The following BEAN1 variants were observed in gnomAD, a reference collection of about 807,000 sequenced individuals.
BEAN1 encodes the protein protein BEAN1.
BEAN1 carries 17 observed loss-of-function variants against 17.7 expected under a neutral mutation model. The ratio of observed to expected loss-of-function variants is 0.96; its 90% CI spans 0.66 to 1.44. The LOEUF (loss-of-function observed/expected upper bound fraction) is 1.44, where lower values mean the gene tolerates loss of function less well. BEAN1 is among the 40% of genes most tolerant of loss of function. BEAN1 has a pLI of 0.00. For missense variants in BEAN1, 359 were observed against 374.1 expected, an observed-to-expected ratio of 0.96 and a Z score of 0.33; for synonymous variants, 142 against 151.8, an observed-to-expected ratio of 0.94 and a Z score of 0.47.
intron 2 of BEAN1, among the ~76,000 whole-genome samples, chr16:66,464,158 G>A (rs1314841864): frequency 6.6e-6 from 1 of 152,138 alleles, no homozygotes; most frequent in Admixed American, 6.5e-5. Context: ...GATCATTTCG[G>A]TTTCTGCAAG....
chr16:66,493,446 C>A (rs1964205633), exon 5 of BEAN1: 5 of 609,814 alleles, frequency 8.2e-6, no homozygotes, highest in Non-Finnish European at 1.5e-5. Context: ...CTCTAGGGCC[C>A]CCAGTGCCAT....
At chr16:66,483,062 A>G (rs996262607), downstream of BEAN1, 6 of 363,054 alleles carry the variant, frequency 1.7e-5, no homozygotes, top group African/African-American at 8.6e-5. Context: ...GGGTCTCACT[A>G]TGTTGCCCAG....
chr16:66,446,379 A>G (rs1962457330), intron 2 of BEAN1, among the ~76,000 whole-genome samples: 1 of 152,084 alleles, frequency 6.6e-6, no homozygotes, highest in African/African-American at 2.4e-5. Context: ...TTGAAACGTG[A>G]AGGACTGAGC....
At position 66,427,342 on chromosome 16, in the gene BEAN1, G is replaced by GGGAGCC. The variant is rs1388542798; in HGVS notation, c.-163_-158dup. On this transcript the variant is annotated 5_prime_UTR_variant, in exon 1 of 5. Transcript: ENST00000536005. The surrounding 1 kb of genome is among the most constrained non-coding windows in gnomAD (Gnocchi z 4.7). Reference sequence around the variant, plus strand: ...GTGGCCTCCGAGCGGGAACCGGACTGGGAGCCGGAGCCGGGGCGGGAACCG... The same window carrying GGGAGCC: ...GTGGCCTCCGAGCGGGAACCGGACTGGGAGCCGGAGCCGGAGCCGGGGCGGGAACCG... The GGGAGCC allele has an allele frequency of 6.6e-6, 1 of 151,728 alleles. No individual in the cohort carries two copies. The highest frequency in any genetic ancestry group is 2.4e-5 in the African/African-American group (1 of 41,328). 9.4% of individuals were successfully genotyped at this position (151,728 alleles called of 1,614,324 possible). A position where few individuals can be genotyped will look rare whatever the true frequency, so the allele number is the denominator to read the frequency against.
chr16:66,493,237 G>C (rs567787747), exon 5 of BEAN1: 10 of 703,040 alleles, frequency 1.4e-5, no homozygotes, highest in East Asian at 5.4e-5. Context: ...CAGAGAAAAG[G>C]CTGGTGAAGC....
intron 2 of BEAN1, among the ~76,000 whole-genome samples, chr16:66,453,931 G>T (rs1322242833): frequency 6.6e-6 from 1 of 151,954 alleles, no homozygotes; most frequent in African/African-American, 2.4e-5. Flanking sequence ...ACAGGGTTTT[G>T]CCATGTTGGC....
chr16:66,460,608 T>C (rs554018187), intron 2 of BEAN1, among the ~76,000 whole-genome samples: 1 of 152,322 alleles, frequency 6.6e-6, no homozygotes, highest in South Asian at 2.1e-4. Flanking sequence ...CTTATGGCAA[T>C]GTTCAGCTGT....
At chr16:66,470,598 C>CT (rs1359528158) in intron 3 of BEAN1, among the ~76,000 whole-genome samples, 14 of 152,130 alleles carry the variant, frequency 9.2e-5, no homozygotes, top group Non-Finnish European at 7.4e-5. Flanking sequence ...GTGAATAAAA[C>CT]TATCCCTGGT....
chr16:66,485,171 C>T (rs1013939326), downstream of BEAN1: 3 of 449,436 alleles, frequency 6.7e-6, no homozygotes, highest in Non-Finnish European at 1.3e-5. Context: ...CTGGCCAAGC[C>T]CACATGCACA....
intron 2 of BEAN1, among the ~76,000 whole-genome samples, chr16:66,465,269 T>C (rs921509899): frequency 6.6e-6 from 1 of 152,190 alleles, no homozygotes; most frequent in Admixed American, 6.5e-5. Flanking sequence ...TAATCCTTTT[T>C]ATGTATTACT....
intron 2 of BEAN1, among the ~76,000 whole-genome samples, chr16:66,460,457 AGG>A (rs1024472474): frequency 7.2e-5 from 11 of 152,232 alleles, no homozygotes; most frequent in Non-Finnish European, 1.5e-5. Flanking sequence ...GAACATCTCT[AGG>A]ACATACCCAG....
Position 66,469,716 on chromosome 16 carries a change from T to C in BEAN1, c.140T>C (p.Ile47Thr), listed in dbSNP as rs1963395513. Residue 47 changes from isoleucine to threonine, a missense_variant, in exon 3 of 5, where the codon ATC becomes ACC. By Grantham distance (89) the Ile-to-Thr change is moderately conservative (BLOSUM62 -1). Coordinates refer to ENST00000536005, the MANE Select transcript of BEAN1 (RefSeq NM_001178020.3). Reference protein sequence around the residue: ...LVASAVIGVVIILSCITIIVG... With the variant: ...LVASAVIGVVTILSCITIIVG... ...GCGAGTGCCGTCATAGGTGTGGTCA[T>C]CATCCTCTCCTGCATCACCATCATT... is the stretch of plus-strand genomic sequence containing the variant. 4.6e-6 allele frequency: 7 copies of C among 1,535,936 alleles called. No homozygotes were observed. Among genetic ancestry groups the C allele is most frequent in the Non-Finnish European group, 6.1e-6 (7 of 1,146,888 alleles).
Position 66,469,673 on chromosome 16 carries a change from G to C in BEAN1, c.97G>C (p.Val33Leu), listed in dbSNP as rs753496837. The C allele has an allele frequency of 6.5e-7, 1 of 1,535,824 alleles. No individual in the cohort carries two copies. The highest frequency in any genetic ancestry group is 8.7e-7 in the Non-Finnish European group (1 of 1,146,718). Residue 33 changes from valine (V) to leucine (L), a missense_variant, in exon 3 of 5, where the codon GTG becomes CTG. Coordinates refer to ENST00000536005, the MANE Select transcript of BEAN1 (RefSeq NM_001178020.3). ...GAGCTCGGAGCACAGCCATCTGCTCGTGTCCCCCGTGCTGGTGGCGAGTGC... is the reference window on the plus strand; with the variant it reads ...GAGCTCGGAGCACAGCCATCTGCTCCTGTCCCCCGTGCTGGTGGCGAGTGC... Reference protein sequence around the residue: ...SESSEHSHLLVSPVLVASAVI... With the variant: ...SESSEHSHLLLSPVLVASAVI...
downstream of BEAN1, chr16:66,484,771 C>G (rs538418939): frequency 6.6e-6 from 3 of 454,130 alleles, no homozygotes; most frequent in African/African-American, 6.0e-5. The surrounding 1 kb of genome is among the most constrained non-coding windows in gnomAD (Gnocchi z 4.2). Context: ...ACTGGTGACT[C>G]TGAGACACAG....
intron 2 of BEAN1, among the ~76,000 whole-genome samples, chr16:66,459,213 C>T (rs1048654828): frequency 6.6e-6 from 1 of 152,218 alleles, no homozygotes; most frequent in East Asian, 1.9e-4. Flanking sequence ...TGCCCCGAAC[C>T]CTGCCTCTGC....
At chr16:66,450,187 G>A (rs193244370) in intron 2 of BEAN1, among the ~76,000 whole-genome samples, 2 of 151,470 alleles carry the variant, frequency 1.3e-5, no homozygotes, top group Admixed American at 1.3e-4. Context: ...CACTGTGCAA[G>A]AATGAAAGCC....
chr16:66,462,600 G>A (rs1963126210), intron 2 of BEAN1, among the ~76,000 whole-genome samples: 1 of 152,150 alleles, frequency 6.6e-6, no homozygotes, highest in African/African-American at 2.4e-5. Flanking sequence ...TCAGGAGTTC[G>A]AGACCAGCCT....
At chr16:66,480,070 C>T (rs1388927550) in intron 4 of BEAN1, among the ~76,000 whole-genome samples, 2 of 152,078 alleles carry the variant, frequency 1.3e-5, no homozygotes, top group African/African-American at 4.8e-5. Flanking sequence ...CTTCCACCTT[C>T]ACCCCTGCCC....
Position 66,471,347 on chromosome 16 carries a change from C to A in BEAN1, c.289+1482C>A, listed in dbSNP as rs1963475327. On this transcript the variant is annotated intron_variant, in intron 3 of 4. Transcript: ENST00000536005. This position sits in a 1 kb window ranked among gnomAD's most constrained non-coding sequence, Gnocchi z 4.7. ...GCACATAATCTCACTGCAAAATCCTCACCATGGTCCTAGTGAGATGATAAC... is the reference window on the plus strand; with the variant it reads ...GCACATAATCTCACTGCAAAATCCTAACCATGGTCCTAGTGAGATGATAAC... Among the ~76,000 whole-genome samples the A allele has an allele frequency of 6.6e-6, 1 of 152,220 alleles. No homozygotes were observed. Among genetic ancestry groups the A allele is most frequent in the African/African-American group, 2.4e-5 (1 of 41,456 alleles).
Sources: gnomAD v4.1 joint callset for allele counts (sites outside exome capture counted in the v4.1 genomes callset) on GRCh38, gnomAD v4.1.1 for gene constraint, Gnocchi (gnomAD v3.1) non-coding constraint, MANE v1.5 for transcripts, NCBI Gene and HGNC (gene_info 2026-07-23, HGNC 2026-07-21) for gene names.